Variants in ZNF292 observed in about 807,000 individuals in gnomAD.
ZNF292 encodes 16 zinc-finger domain protein.
Under a neutral mutation model 217.9 loss-of-function variants are expected in ZNF292, and 26 were observed. That is an observed-to-expected ratio of 0.12 (90% confidence interval 0.09 to 0.17). ZNF292 has a LOEUF of 0.17. Ranked by LOEUF, ZNF292 falls within the 10% of genes least tolerant of loss-of-function variation. ZNF292 has a pLI of 1.00. For missense variants in ZNF292, 2,904 were observed against 3,175.2 expected (o/e 0.91, Z 2.05); for synonymous variants, 1,257 against 1,124.1 (o/e 1.12, Z -2.37).
chr6:87,173,636 C>T (rs1771183167), intron 1 of ZNF292: 1 of 152,408 alleles, frequency 6.6e-6, no homozygotes. Context: ...CCATCATCCA[C>T]TTCATTCATC....
In ZNF292 at chr6:87,259,593, T is replaced by C; in HGVS notation, c.5964T>C (p.Tyr1988=). The change falls in exon 8 of 8, where the codon TAT becomes TAC. Residue 1988 remains tyrosine (Y), a synonymous_variant. Transcript: ENST00000369577. ...TAAAGTTAAAAATTAAAAGGCCTTA[T>C]GGAAGAAAATCTCAGAGTGAAAATG... is the stretch of plus-strand genomic sequence containing the variant. ...EMVKLKIKRP[Y]GRKSQSENVP... 1.3e-6 allele frequency: 2 copies of C among 1,577,798 alleles called. No individual in the cohort carries two copies. The highest frequency in any genetic ancestry group is 1.7e-6 in the Non-Finnish European group (2 of 1,160,860).
intron 6 of ZNF292, among the ~76,000 whole-genome samples, chr6:87,244,162 C>T (rs769625419): frequency 6.6e-6 from 1 of 151,948 alleles, no homozygotes; most frequent in Non-Finnish European, 1.5e-5. Context: ...TATAAAATTC[C>T]AACATTTAAG....
At chr6:87,247,170 T>TCAAAAAAAAA (rs1562173027) in intron 7 of ZNF292, among the ~76,000 whole-genome samples, 1 of 137,566 alleles carries the variant, frequency 7.3e-6, no homozygotes, top group Non-Finnish European at 1.5e-5. Context: ...AGACTTGGTC[T>TCAAAAAAAAA]TAAAAAAAAA....
chr6:87,193,564 G>A (rs544276379), intron 1 of ZNF292, among the ~76,000 whole-genome samples: 11 of 151,450 alleles, frequency 7.3e-5, no homozygotes, highest in African/African-American at 1.2e-4. Flanking sequence ...AAATGCAGGC[G>A]CAACACAGTT....
intron 1 of ZNF292, among the ~76,000 whole-genome samples, chr6:87,180,065 A>G (rs1189617948): frequency 6.6e-6 from 1 of 152,198 alleles, no homozygotes; most frequent in Non-Finnish European, 1.5e-5. Context: ...GGGGTGTCCA[A>G]TGTCTTGGCT....
chr6:87,213,537 C>G (rs1425140075), intron 1 of ZNF292, among the ~76,000 whole-genome samples: 1 of 151,986 alleles, frequency 6.6e-6, no homozygotes, highest in Middle Eastern at 3.2e-3. Flanking sequence ...GGGTATGAGC[C>G]AGAGTGGTAG....
Position 87,257,329 on chromosome 6 carries a change from T to A in ZNF292, c.3700T>A (p.Leu1234Ile). 6.2e-7 allele frequency: 1 copy of A among 1,613,660 alleles called. No individual in the cohort carries two copies. Among genetic ancestry groups the A allele is most frequent in the Non-Finnish European group, 8.5e-7 (1 of 1,179,762 alleles). The change falls in exon 8 of 8, where the codon TTA (leucine) becomes ATA (isoleucine). Residue 1234 changes from leucine (L) to isoleucine (I), a missense_variant. Coordinates refer to ENST00000369577, the MANE Select transcript of ZNF292 (RefSeq NM_015021.3). Reference sequence around the variant, plus strand: ...TATGTTATGTTCCCAAATGGAAAATTTACCTAGTACTGCCTTGCCAGCACA... The same window carrying A: ...TATGTTATGTTCCCAAATGGAAAATATACCTAGTACTGCCTTGCCAGCACA... ...GGMLCSQMEN[L>I]PSTALPAQME...
chr6:87,238,384 G>T (rs972855121), intron 5 of ZNF292, among the ~76,000 whole-genome samples: 2 of 151,782 alleles, frequency 1.3e-5, no homozygotes, highest in Non-Finnish European at 2.9e-5. Flanking sequence ...TACTCAGGAG[G>T]CTGAGGCATG....
rs1208516036 is a variant in ZNF292 at position 87,261,026 on chromosome 6, C to T, written c.7397C>T (p.Ala2466Val). 2 of 1,603,578 alleles carry T rather than the reference C, an allele frequency of 1.2e-6. No individual in the cohort carries two copies. Among genetic ancestry groups the T allele is most frequent in the Non-Finnish European group, 1.7e-6 (2 of 1,174,474 alleles). ...AGCAATGATAATTCAAGAACAACAGCTACAGTTTCACAAAAGGAAGTTGAA... is the reference window on the plus strand; with the variant it reads ...AGCAATGATAATTCAAGAACAACAGTTACAGTTTCACAAAAGGAAGTTGAA... ...SESNDNSRTTATVSQKEVEKN... is the reference protein window; with the variant it reads ...SESNDNSRTTVTVSQKEVEKN... Residue 2466 changes from alanine (A) to valine (V), a missense_variant, in exon 8 of 8, where the codon GCT (alanine) becomes GTT (valine). Physicochemically the swap from Ala to Val is moderately conservative, Grantham distance 64. Transcript: ENST00000369577.
In ZNF292 at chr6:87,255,113, A is replaced by C. The variant is rs1005599952; in HGVS notation, c.1484A>C (p.Asn495Thr). 1 of 1,613,712 alleles carries C rather than the reference A, an allele frequency of 6.2e-7. No individual in the cohort carries two copies. The highest frequency in any genetic ancestry group is 8.5e-7 in the Non-Finnish European group (1 of 1,179,842). The change falls in exon 8 of 8, where the codon AAT becomes ACT. Residue 495 changes from asparagine (N) to threonine (T), a missense_variant. Physicochemically the swap from Asn to Thr is moderately conservative, Grantham distance 65 (BLOSUM62 0). Coordinates refer to ENST00000369577, the MANE Select transcript of ZNF292 (RefSeq NM_015021.3). ...YQEESKETSM[N>T]GLSGGVGANS... The stretch of plus-strand genomic sequence containing the variant: ...GAAGAGAGTAAAGAAACTTCTATGA[A>C]TGGGCTTTCTGGTGGAGTTGGTGCT...
intron 1 of ZNF292, chr6:87,213,977 G>A (rs1562145042): frequency 6.6e-6 from 1 of 152,080 alleles, no homozygotes; most frequent in Non-Finnish European, 1.5e-5. Context: ...GGAAGAAACA[G>A]GGGAAGGTCG....
At chr6:87,221,676 G>A (rs1437176395) in intron 4 of ZNF292, among the ~76,000 whole-genome samples, 1 of 152,006 alleles carries the variant, frequency 6.6e-6, no homozygotes, top group Non-Finnish European at 1.5e-5. Flanking sequence ...ATATATAGCA[G>A]GTGTACATAT....
intron 1 of ZNF292, among the ~76,000 whole-genome samples, chr6:87,212,342 T>TC (rs2127798692): frequency 6.6e-6 from 1 of 152,226 alleles, no homozygotes; most frequent in East Asian, 1.9e-4. Context: ...CCATGATTGA[T>TC]CAGATCATTG....
At chr6:87,165,580 C>T (rs1770886333) in intron 1 of ZNF292, among the ~76,000 whole-genome samples, 1 of 151,942 alleles carries the variant, frequency 6.6e-6, no homozygotes, top group East Asian at 1.9e-4. Flanking sequence ...TATAATCCAC[C>T]AATAGGTCAT....
chr6:87,177,780 G>T (rs1407589940), intron 1 of ZNF292, among the ~76,000 whole-genome samples: 2 of 152,254 alleles, frequency 1.3e-5, no homozygotes, highest in South Asian at 2.1e-4. Flanking sequence ...TCATAGGTTT[G>T]TAAGGATTAA....
intron 1 of ZNF292, among the ~76,000 whole-genome samples, chr6:87,201,803 C>A (rs959289138): frequency 2.0e-5 from 3 of 152,074 alleles, no homozygotes; most frequent in Admixed American, 6.6e-5. Flanking sequence ...TTTTTCTTTC[C>A]TGTTTAAATG....
intron 4 of ZNF292, among the ~76,000 whole-genome samples, chr6:87,222,582 T>G (rs904823687): frequency 6.6e-6 from 1 of 152,176 alleles, no homozygotes; most frequent in Non-Finnish European, 1.5e-5. Context: ...TAGAATAGTT[T>G]TAAATTTATA....
At chr6:87,223,297 C>G (rs1038894678) in intron 4 of ZNF292, 1 of 152,922 alleles carries the variant, frequency 6.5e-6, no homozygotes, top group African/African-American at 2.4e-5. Context: ...GTTGGCCAAG[C>G]TGGTCTCGAG....
At chr6:87,197,975 A>G (rs897732133) in intron 1 of ZNF292, among the ~76,000 whole-genome samples, 1 of 152,072 alleles carries the variant, frequency 6.6e-6, no homozygotes. Flanking sequence ...CCTGAAGATA[A>G]AAGTAATATG....
Sources: gnomAD v4.1 joint callset for allele counts (sites outside exome capture counted in the v4.1 genomes callset) on GRCh38, gnomAD v4.1.1 for gene constraint, MANE v1.5 for transcripts, NCBI Gene and HGNC (gene_info 2026-07-23, HGNC 2026-07-21) for gene names.